PHF20: variants seen among roughly 807,000 people sequenced by gnomAD.
PHF20 encodes the protein glioma-expressed antigen 2.
A neutral mutation model predicts 113.5 loss-of-function variants in PHF20; 23 were observed. The observed-to-expected ratio is 0.20, with a 90% CI of 0.15 to 0.29. The LOEUF (loss-of-function observed/expected upper bound fraction) is 0.29. PHF20 is among the 10% of genes least tolerant of loss of function. The pLI is 1.00. For synonymous variants in PHF20, 434 were observed against 457.3 expected, an observed-to-expected ratio of 0.95 and a Z score of 0.65; for missense variants, 943 against 1,219.6, an observed-to-expected ratio of 0.77 and a Z score of 3.38.
chr20:35,846,005 T>C (rs6060637), intron 3 of PHF20, among the ~76,000 whole-genome samples: 18,637 of 151,916 alleles, frequency 0.12, 1,207 homozygotes, highest in South Asian at 0.18. Flanking sequence ...CCTCAGGTGA[T>C]CCACCTTCCC....
rs902866207 is a variant in PHF20 at position 35,847,242 on chromosome 20, C to T, written c.256-108C>T. 8.9e-6 allele frequency: 6 copies of T among 676,330 alleles called. No individual in the cohort carries two copies. The African/African-American group carries it at 1.1e-4, about 12-fold the overall frequency. The allele number at this position is 676,330 out of a possible 1,614,324, so 41.9% of individuals were successfully genotyped here. ...TCCATCTCAACAGCTACTTTCCCTTCACACTTTCTTATCAATCCCAGCTTC... is the reference window on the plus strand; with the variant it reads ...TCCATCTCAACAGCTACTTTCCCTTTACACTTTCTTATCAATCCCAGCTTC... On this transcript the variant is annotated intron_variant, in intron 3 of 17. Transcript: ENST00000374012.
intron 1 of PHF20, among the ~76,000 whole-genome samples, chr20:35,791,408 G>A (rs2041544280): frequency 6.7e-6 from 1 of 149,776 alleles, no homozygotes; most frequent in Non-Finnish European, 1.5e-5. Flanking sequence ...GGCTGATATA[G>A]TTTTTATATA....
At chr20:35,802,242 T>A (rs1025905129) in intron 2 of PHF20, among the ~76,000 whole-genome samples, 2 of 152,160 alleles carry the variant, frequency 1.3e-5, no homozygotes, top group Non-Finnish European at 2.9e-5. Context: ...AAAGACCTTA[T>A]AGACTGTGAA....
At chr20:35,867,661 G>T (rs6121072) in intron 6 of PHF20, among the ~76,000 whole-genome samples, 1,710 of 152,260 alleles carry the variant, frequency 0.011, 23 homozygotes, top group African/African-American at 0.038. Context: ...CACAGGAAGA[G>T]CCTCAGAGTT....
At chr20:35,883,469 C>T (rs2054670708) in intron 9 of PHF20, among the ~76,000 whole-genome samples, 3 of 152,122 alleles carry the variant, frequency 2.0e-5, no homozygotes, top group Admixed American at 2.0e-4. Context: ...GACAGGGTCT[C>T]ACTCTGTCAT....
At chr20:35,813,807 G>T (rs182813155) in intron 2 of PHF20, among the ~76,000 whole-genome samples, 38 of 151,922 alleles carry the variant, frequency 2.5e-4, no homozygotes, top group Non-Finnish European at 5.3e-4. Flanking sequence ...GCAGTGAGCC[G>T]AGATAGCGCC....
At chr20:35,905,168 T>C (rs1384499912) in intron 10 of PHF20, among the ~76,000 whole-genome samples, 2 of 152,124 alleles carry the variant, frequency 1.3e-5, no homozygotes, top group African/African-American at 4.8e-5. Flanking sequence ...TAGGTATGCA[T>C]GAGACCAGGC....
At chr20:35,815,766 G>A (rs954457154) in intron 2 of PHF20, among the ~76,000 whole-genome samples, 2 of 151,842 alleles carry the variant, frequency 1.3e-5, no homozygotes, top group African/African-American at 4.8e-5. Flanking sequence ...CGCCTGGCAT[G>A]CCTGTAATTC....
chr20:35,848,937 G>A (rs562076408), intron 4 of PHF20, among the ~76,000 whole-genome samples: 1 of 151,824 alleles, frequency 6.6e-6, no homozygotes, highest in South Asian at 2.1e-4. Context: ...TCGAGGCTAT[G>A]ATAGTTCCTA....
chr20:35,794,727 G>A (rs763094452), intron 1 of PHF20, among the ~76,000 whole-genome samples: 1 of 152,052 alleles, frequency 6.6e-6, no homozygotes, highest in Non-Finnish European at 1.5e-5. Flanking sequence ...TCACTGAAAG[G>A]TCTTGTTCCA....
chr20:35,917,205 T>G (rs964314741), intron 12 of PHF20: 3 of 496,932 alleles, frequency 6.0e-6, no homozygotes, highest in Non-Finnish European at 1.2e-5. Context: ...GTAGCTCCTC[T>G]GCCACTGAGT....
intron 4 of PHF20, among the ~76,000 whole-genome samples, chr20:35,852,893 G>A (rs994089701): frequency 2.7e-5 from 4 of 150,578 alleles, no homozygotes; most frequent in South Asian, 4.3e-4. Context: ...CACCGTGCCC[G>A]ACCTGACTAA....
At chr20:35,815,034 A>G (rs1271602389) in intron 2 of PHF20, among the ~76,000 whole-genome samples, 2 of 149,576 alleles carry the variant, frequency 1.3e-5, no homozygotes, top group African/African-American at 4.9e-5. Context: ...CGTCTCTACT[A>G]AAAATACAAA....
intron 1 of PHF20, among the ~76,000 whole-genome samples, chr20:35,795,327 CT>C (rs1052976107): frequency 6.6e-6 from 1 of 151,992 alleles, no homozygotes; most frequent in African/African-American, 2.4e-5. Context: ...CCTTCATCCC[CT>C]GGTTCAAGCA....
At chr20:35,823,317 T>G (rs112078579) in intron 2 of PHF20, among the ~76,000 whole-genome samples, 3 of 150,976 alleles carry the variant, frequency 2.0e-5, no homozygotes, top group Non-Finnish European at 2.9e-5. Flanking sequence ...AATCAAGATA[T>G]GGGCCGGGAA....
chr20:35,868,656 A>G (rs2054362472), intron 6 of PHF20, among the ~76,000 whole-genome samples: 1 of 152,118 alleles, frequency 6.6e-6, no homozygotes, highest in Non-Finnish European at 1.5e-5. Context: ...TCTAAATAGT[A>G]AGTACTCTTC....
rs2056077308 is a variant in PHF20 at position 35,945,994 on chromosome 20, A to AC, written c.2897-1487dup. Reference sequence around the variant, plus strand: ...AGGCCAGCCTGGCCAACATGATGAAACCCCATCTCTACTAAAAATAACAAA... The same window carrying AC: ...AGGCCAGCCTGGCCAACATGATGAAACCCCCATCTCTACTAAAAATAACAAA... On this transcript the variant is annotated intron_variant, in intron 17 of 17. Coordinates refer to ENST00000374012, the MANE Select transcript of PHF20 (RefSeq NM_016436.5). Among the ~76,000 whole-genome samples the AC allele has an allele frequency of 2.7e-5, 4 of 150,634 alleles. No individual in the cohort carries two copies. In the South Asian group the frequency reaches 8.4e-4, roughly 32 times the overall value.
At chr20:35,856,394 T>G (rs1374996294) in intron 4 of PHF20, 1 of 152,268 alleles carries the variant, frequency 6.6e-6, no homozygotes, top group Non-Finnish European at 1.5e-5. Context: ...TGCACATTCC[T>G]GTGCCCTGTT....
chr20:35,807,226 T>C (rs2041900025), intron 2 of PHF20, among the ~76,000 whole-genome samples: 1 of 152,190 alleles, frequency 6.6e-6, no homozygotes, highest in Non-Finnish European at 1.5e-5. Context: ...TACATCTTTA[T>C]ACTTATTCAT....
Sources: gnomAD v4.1 joint callset for allele counts (sites outside exome capture counted in the v4.1 genomes callset) on GRCh38, gnomAD v4.1.1 for gene constraint, MANE v1.5 for transcripts, NCBI Gene and HGNC (gene_info 2026-07-23, HGNC 2026-07-21) for gene names.